Variants in TSHZ3 observed in about 807,000 individuals in gnomAD.
TSHZ3 encodes teashirt homolog 3.
TSHZ3 carries 10 observed loss-of-function variants against 64.5 expected under a neutral mutation model. That is an observed-to-expected ratio of 0.16 (90% CI 0.10 to 0.26). The LOEUF is 0.26. Among genes scored for constraint, TSHZ3 ranks in the 10% least tolerant of loss-of-function variants. The pLI is 1.00. For synonymous variants in TSHZ3, 608 were observed against 593.1 expected (o/e 1.03, Z -0.36); for missense variants, 1,242 against 1,421.7 (o/e 0.87, Z 2.03).
At chr19:31,312,357 T>C (rs1272779448) in intron 1 of TSHZ3, among the ~76,000 whole-genome samples, 1 of 152,178 alleles carries the variant, frequency 6.6e-6, no homozygotes, top group Non-Finnish European at 1.5e-5. Flanking sequence ...TTTAAGTTAA[T>C]TAAAATTAAA....
At chr19:31,212,814 T>A (rs12974626) in intron 4 of TSHZ3, among the ~76,000 whole-genome samples, 106,010 of 151,900 alleles carry the variant, frequency 0.7, 37,182 homozygotes, top group African/African-American at 0.78. Flanking sequence ...TTATGGCAGG[T>A]TTATTCATAA....
intron 5 of TSHZ3, among the ~76,000 whole-genome samples, chr19:31,180,242 TGAATGAAC>T (rs1231565579): frequency 6.6e-6 from 1 of 152,080 alleles, no homozygotes; most frequent in Non-Finnish European, 1.5e-5. Flanking sequence ...AATGAATGAA[TGAATGAAC>T]GAATGAATGA....
intron 1 of TSHZ3, among the ~76,000 whole-genome samples, chr19:31,246,700 G>T (rs1043909487): frequency 6.6e-6 from 1 of 152,146 alleles, no homozygotes; most frequent in African/African-American, 2.4e-5. Context: ...AGAGGACCTG[G>T]AAGCAATGGA....
intron 1 of TSHZ3, among the ~76,000 whole-genome samples, chr19:31,324,490 G>A (rs1395917164): frequency 1.3e-5 from 2 of 152,240 alleles, no homozygotes; most frequent in Non-Finnish European, 2.9e-5. Context: ...CAACACTGCA[G>A]CATTGAGACA....
intron 1 of TSHZ3, among the ~76,000 whole-genome samples, chr19:31,347,333 T>C (rs974860308): frequency 2.6e-5 from 4 of 152,158 alleles, no homozygotes; most frequent in African/African-American, 9.7e-5. Context: ...AGTCTCAGAT[T>C]GGCAGGGTGC....
At chr19:31,242,187 G>A (rs1568357252) in intron 3 of TSHZ3, among the ~76,000 whole-genome samples, 1 of 152,172 alleles carries the variant, frequency 6.6e-6, no homozygotes, top group African/African-American at 2.4e-5. Context: ...TTTAGTATTA[G>A]TCAGGGTTCT....
chr19:31,239,932 C>T (rs1022403156), intron 3 of TSHZ3, among the ~76,000 whole-genome samples: 2 of 152,040 alleles, frequency 1.3e-5, no homozygotes, highest in African/African-American at 4.8e-5. Context: ...TATTTTTATC[C>T]TTTTGTTTCA....
chr19:31,173,868 G>C (rs1397264877), intron 5 of TSHZ3, among the ~76,000 whole-genome samples: 3 of 152,128 alleles, frequency 2.0e-5, no homozygotes, highest in Admixed American at 1.3e-4. Context: ...TTAGGAGCTC[G>C]AGACCAGCTT....
intron 5 of TSHZ3, among the ~76,000 whole-genome samples, chr19:31,181,903 C>T (rs74763015): frequency 0.02 from 3,040 of 152,164 alleles, 106 homozygotes; most frequent in African/African-American, 0.07. Context: ...AAGCTAAGGA[C>T]ACAGCTACAT....
rs146006967 is a variant in TSHZ3, at chr19:31,201,703, G to A, written n.809+3253C>T. Among the ~76,000 whole-genome samples the A allele has an allele frequency of 4.6e-3, 701 of 152,338 alleles. 8 individuals carry two copies. The highest frequency in any genetic ancestry group is 6.4e-3 in the Admixed American group (98 of 15,302). ...GTATTCATTCAACTGCTGGGTGGAA[G>A]AGCGGCTTCCCTCTTCCTTCCTCAG... is the stretch of plus-strand genomic sequence containing the variant. On this transcript the variant is annotated intron_variant and non_coding_transcript_variant, in intron 5 of 6. Coordinates refer to the TSHZ3 transcript ENST00000651361.
At chr19:31,164,521 A>G (rs1974417114) in intron 5 of TSHZ3, among the ~76,000 whole-genome samples, 1 of 152,196 alleles carries the variant, frequency 6.6e-6, no homozygotes, top group African/African-American at 2.4e-5. Context: ...CATTTGTTGA[A>G]TAAATGAATG....
Position 31,287,009 on chromosome 19 carries a change from T to G in TSHZ3, c.41-7257A>C, listed in dbSNP as rs893417248. 4.3e-4 allele frequency among the ~76,000 whole-genome samples: 66 copies of G among 152,308 alleles called. 1 individual carries two copies. Among genetic ancestry groups the G allele is most frequent in the African/African-American group, 1.6e-3 (66 of 41,568 alleles). ...GTCATATAAATATAAAACAGTAAGC[T>G]GGGGCATAACGGAATTCATTTCTGG... On this transcript the variant is annotated intron_variant, in intron 1 of 1. Transcript: ENST00000240587.
In TSHZ3 at chr19:31,200,818, A is replaced by G. The variant is rs1202552010; in HGVS notation, n.809+4138T>C. ...GGCTGTTGGTAATGGGAGGCTGTGC[A>G]TGTGTGTGGGAAGGGGGGTGCATGG... On this transcript the variant is annotated intron_variant and non_coding_transcript_variant, in intron 5 of 6. Transcript: ENST00000651361. Among the ~76,000 whole-genome samples, 3 of 151,872 alleles carry G rather than the reference A, an allele frequency of 2.0e-5. No homozygotes were observed. The East Asian group carries it at 5.8e-4, about 30-fold the overall frequency.
chr19:31,233,526 A>G (rs1455570991), intron 3 of TSHZ3, among the ~76,000 whole-genome samples: 2 of 152,152 alleles, frequency 1.3e-5, no homozygotes, highest in East Asian at 3.8e-4. Flanking sequence ...ACTGTCTCCC[A>G]GTCTGTGGTT....
At chr19:31,326,572 C>T (rs1168509739) in intron 1 of TSHZ3, among the ~76,000 whole-genome samples, 4 of 152,254 alleles carry the variant, frequency 2.6e-5, no homozygotes, top group African/African-American at 7.2e-5. Flanking sequence ...GGAGCCTGCA[C>T]AGTGAGGGTG....
At chr19:31,201,929 G>A (rs1176924193) in intron 5 of TSHZ3, among the ~76,000 whole-genome samples, 3 of 152,164 alleles carry the variant, frequency 2.0e-5, no homozygotes, top group African/African-American at 7.2e-5. Flanking sequence ...CACTTTGGGA[G>A]GCCCAGGTGG....
intron 5 of TSHZ3, among the ~76,000 whole-genome samples, chr19:31,196,461 T>TA (rs1445033989): frequency 6.6e-6 from 1 of 151,840 alleles, no homozygotes; most frequent in Admixed American, 6.6e-5. Context: ...TTGCAGACAT[T>TA]AATTAAACTA....
At chr19:31,310,172 A>T (rs1281088614) in intron 1 of TSHZ3, among the ~76,000 whole-genome samples, 1 of 151,744 alleles carries the variant, frequency 6.6e-6, no homozygotes, top group East Asian at 1.9e-4. Context: ...CTAAGCCTCC[A>T]CTCGGTGTCT....
At chr19:31,185,844 CA>C in intron 5 of TSHZ3, among the ~76,000 whole-genome samples, 1 of 152,286 alleles carries the variant, frequency 6.6e-6, no homozygotes, top group South Asian at 2.1e-4. Flanking sequence ...CCCACCCATC[CA>C]AGCAATCACT....
Sources: allele counts gnomAD v4.1 joint callset (sites outside exome capture counted in the v4.1 genomes callset), GRCh38; gene constraint gnomAD v4.1.1; transcripts MANE v1.5; gene names NCBI Gene and HGNC (gene_info 2026-07-23, HGNC 2026-07-21).